Variants in FGF14 observed in about 807,000 individuals in gnomAD.
The protein encoded by FGF14 is fibroblast growth factor homologous factor 4.
In FGF14, 5 loss-of-function variants were observed where a neutral mutation model predicts 25.5. The observed-to-expected ratio is 0.20, with a 90% CI of 0.10 to 0.41. The LOEUF (loss-of-function observed/expected upper bound fraction) is 0.41, where lower values mean the gene tolerates loss of function less well. Among genes scored for constraint, FGF14 ranks in the 10% least tolerant of loss-of-function variants. FGF14 has a pLI of 1.00. For missense variants in FGF14, 222 were observed against 320.1 expected, an observed-to-expected ratio of 0.69 and a Z score of 2.34; for synonymous variants, 138 against 118.3, an observed-to-expected ratio of 1.17 and a Z score of -1.08.
intron 3 of FGF14, among the ~76,000 whole-genome samples, chr13:101,867,949 A>G (rs1325837248): frequency 1.3e-5 from 2 of 149,842 alleles, no homozygotes; most frequent in Non-Finnish European, 3.0e-5. Flanking sequence ...CACACACACA[A>G]TATGTGTATA....
chr13:102,197,539 C>A (rs1390501122), intron 1 of FGF14, among the ~76,000 whole-genome samples: 1 of 151,796 alleles, frequency 6.6e-6, no homozygotes, highest in Non-Finnish European at 1.5e-5. Flanking sequence ...GTTTTAGATG[C>A]CCCTATCATA....
chr13:101,818,706 C>T (rs1156712967), intron 3 of FGF14, among the ~76,000 whole-genome samples: 7 of 152,028 alleles, frequency 4.6e-5, no homozygotes, highest in South Asian at 2.1e-4. Flanking sequence ...TCTAATGATA[C>T]CAAAATGGTT....
At chr13:101,811,011 T>C (rs1300892418) in intron 3 of FGF14, among the ~76,000 whole-genome samples, 2 of 151,172 alleles carry the variant, frequency 1.3e-5, no homozygotes, top group Non-Finnish European at 2.9e-5. Context: ...ATATGCATCC[T>C]GCTCCAAAAC....
At chr13:102,000,693 CA>C (rs2039446069) in intron 1 of FGF14, among the ~76,000 whole-genome samples, 1 of 152,190 alleles carries the variant, frequency 6.6e-6, no homozygotes, top group Admixed American at 6.5e-5. Flanking sequence ...TGGTCACCCT[CA>C]GTTTTCATCC....
At chr13:102,080,435 T>A (rs1299826742) in intron 1 of FGF14, among the ~76,000 whole-genome samples, 1 of 152,216 alleles carries the variant, frequency 6.6e-6, no homozygotes, top group East Asian at 1.9e-4. Context: ...TTTAGACGAG[T>A]CTGCTGGGGC....
At chr13:101,972,078 C>T (rs2037630755) in intron 1 of FGF14, among the ~76,000 whole-genome samples, 1 of 152,210 alleles carries the variant, frequency 6.6e-6, no homozygotes. Context: ...TGCCCCTCTA[C>T]CAATGTGATT....
intron 1 of FGF14, among the ~76,000 whole-genome samples, chr13:102,067,651 A>G (rs938590778): frequency 2.0e-5 from 3 of 150,460 alleles, no homozygotes; most frequent in African/African-American, 7.4e-5. Flanking sequence ...TGCCTACTAG[A>G]TCTACAAAAA....
intron 1 of FGF14, among the ~76,000 whole-genome samples, chr13:102,001,688 G>C (rs1026536044): frequency 3.3e-5 from 5 of 152,178 alleles, no homozygotes. Context: ...CATCACAAGT[G>C]ATGTCCACTT....
chr13:102,271,727 T>C (rs1481243677), intron 1 of FGF14, among the ~76,000 whole-genome samples: 1 of 152,192 alleles, frequency 6.6e-6, no homozygotes, highest in Non-Finnish European at 1.5e-5. Context: ...ACAATCGCTA[T>C]CATCGAGCAC....
intron 1 of FGF14, among the ~76,000 whole-genome samples, chr13:102,027,268 T>C (rs781159345): frequency 2.0e-4 from 30 of 151,172 alleles, no homozygotes; most frequent in Non-Finnish European, 4.1e-4. Flanking sequence ...TAAAATAGTA[T>C]AATATGCATT....
chr13:102,117,008 CT>C (rs1452171307), intron 1 of FGF14, among the ~76,000 whole-genome samples: 1 of 152,164 alleles, frequency 6.6e-6, no homozygotes, highest in African/African-American at 2.4e-5. Flanking sequence ...TCCCACTCCC[CT>C]GTCCTTGGGA....
rs188938338 is a variant in FGF14 at position 101,848,516 on chromosome 13, T to G, written c.408+20209A>C. Reference sequence around the variant, plus strand: ...TGACTGCCAAGGGAGACACATTCCTTCAGCGAGAATGAGGTTTAGATTTGT... The same window carrying G: ...TGACTGCCAAGGGAGACACATTCCTGCAGCGAGAATGAGGTTTAGATTTGT... On this transcript the variant is annotated intron_variant, in intron 3 of 4. Coordinates refer to ENST00000376143, the MANE Select transcript of FGF14 (RefSeq NM_004115.4). 2.4e-3 allele frequency among the ~76,000 whole-genome samples: 368 copies of G among 152,170 alleles called. 1 individual carries two copies. The highest frequency in any genetic ancestry group is 8.2e-3 in the African/African-American group (341 of 41,570).
intron 1 of FGF14, among the ~76,000 whole-genome samples, chr13:102,079,366 C>G (rs932287779): frequency 6.6e-6 from 1 of 152,124 alleles, no homozygotes. Flanking sequence ...CATTTTCTTT[C>G]CCAGAGGAAA....
rs1486668940 is a variant in FGF14 at position 102,243,654 on chromosome 13, TG to T, written c.208+157816del. Among the ~76,000 whole-genome samples, 7 of 63,456 alleles carry T rather than the reference TG, an allele frequency of 1.1e-4. 1 individual carries two copies. Among genetic ancestry groups the T allele is most frequent in the South Asian group, 9.0e-4 (2 of 2,214 alleles). 41.6% of individuals were successfully genotyped at this position (63,456 alleles called of 152,430 possible). ...ATTAAGAGCTGTGTGACTTTGGGCATGTTTTTTTTTTTTTTTTACATTTCTC... is the reference window on the plus strand; with the variant it reads ...ATTAAGAGCTGTGTGACTTTGGGCATTTTTTTTTTTTTTTTTACATTTCTC... On this transcript the variant is annotated intron_variant, in intron 1 of 4. Transcript: ENST00000376131.
chr13:101,923,550 TCC>T (rs1464229855), intron 1 of FGF14, among the ~76,000 whole-genome samples: 8 of 152,120 alleles, frequency 5.3e-5, no homozygotes, highest in Admixed American at 6.5e-5. Context: ...TGACTGCTTA[TCC>T]GCTCATTACA....
chr13:101,887,111 C>G (rs1278722095), intron 1 of FGF14, among the ~76,000 whole-genome samples: 4 of 151,808 alleles, frequency 2.6e-5, no homozygotes, highest in African/African-American at 9.7e-5. Context: ...TAAATTAGTA[C>G]AGCCACTATG....
At chr13:101,919,280 TAA>T (rs1206623279), upstream of FGF14, among the ~76,000 whole-genome samples, 5 of 152,080 alleles carry the variant, frequency 3.3e-5, no homozygotes, top group Non-Finnish European at 7.4e-5. Context: ...ACTGTAAGAT[TAA>T]AGCATCCAGG....
At chr13:101,765,718 T>TTTTA (rs561624693) in intron 3 of FGF14, among the ~76,000 whole-genome samples, 1,451 of 143,374 alleles carry the variant, frequency 0.01, 16 homozygotes, top group African/African-American at 0.024. Flanking sequence ...ATTATTATTA[T>TTTTA]TTTATTTATT....
intron 1 of FGF14, among the ~76,000 whole-genome samples, chr13:102,214,617 A>G (rs2050293913): frequency 6.6e-6 from 1 of 152,190 alleles, no homozygotes. Context: ...TACAGAAGCT[A>G]GGCAACCATC....
Sources: allele counts gnomAD v4.1 joint callset (sites outside exome capture counted in the v4.1 genomes callset), GRCh38; gene constraint gnomAD v4.1.1; transcripts MANE v1.5; gene names NCBI Gene and HGNC (gene_info 2026-07-23, HGNC 2026-07-21).